SLC1A7: variants seen among roughly 807,000 people sequenced by gnomAD.
SLC1A7 encodes the protein excitatory amino acid transporter 5.
Under a neutral mutation model 47.7 loss-of-function variants are expected in SLC1A7, and 40 were observed. The ratio of observed to expected loss-of-function variants is 0.84; its 90% CI spans 0.65 to 1.09. SLC1A7 has a LOEUF of 1.09. Ranked by LOEUF, SLC1A7 falls within the 50% of genes least tolerant of loss-of-function variation. The pLI, the probability that SLC1A7 is intolerant of heterozygous loss-of-function variation, is 0.00. For missense variants in SLC1A7, 746 were observed against 769.5 expected (o/e 0.97, Z 0.36); for synonymous variants, 323 against 325.6 (o/e 0.99, Z 0.09).
At chr1:53,088,735 A>C (rs1048878543) in intron 10 of SLC1A7, 142 bp downstream of exon 10, 13 of 664,052 alleles carry the variant, frequency 2.0e-5, no homozygotes, top group Non-Finnish European at 3.3e-5. Context: ...GTCATTCTGT[A>C]ACGGATGAGG....
chr1:53,119,761 A>G (rs1644799529), intron 2 of SLC1A7, among the ~76,000 whole-genome samples: 1 of 152,066 alleles, frequency 6.6e-6, no homozygotes, highest in South Asian at 2.1e-4. Flanking sequence ...TGAGCTTCCC[A>G]TTGTTGGAGG....
intron 2 of SLC1A7, among the ~76,000 whole-genome samples, chr1:53,131,196 A>T (rs1216759543): frequency 6.6e-6 from 1 of 152,226 alleles, no homozygotes; most frequent in African/African-American, 2.4e-5. Context: ...TGAGAGCCAG[A>T]AGGTGGAGAG....
intron 8 of SLC1A7, 38 bp from the exon 9 acceptor site, chr1:53,089,972 G>A (rs1046729073): frequency 6.2e-7 from 1 of 1,609,892 alleles, no homozygotes; most frequent in Non-Finnish European, 8.5e-7. Context: ...GCAGCAGGAG[G>A]GGCAGGGTGC....
rs142161494 is a variant in SLC1A7 at position 53,128,117 on chromosome 1, T to C, written c.215+6233A>G. On this transcript the variant is annotated intron_variant, in intron 2 of 10. Transcript: ENST00000371494. ...TTGAAGCAAGGAATGCTGGTGTGAA[T>C]GGGAAGCTGATGAAGGCTGCTTGGT... 4.2e-3 allele frequency among the ~76,000 whole-genome samples: 638 copies of C among 152,254 alleles called. 1 individual carries two copies. Among genetic ancestry groups the C allele is most frequent in the South Asian group, 8.9e-3 (43 of 4,820 alleles).
Position 53,103,492 on chromosome 1 carries a change from A to T in SLC1A7, c.551T>A (p.Ile184Asn), listed in dbSNP as rs781754495. ...PEEAPPRRIL[I>N]YGVQEENGSH... ...GCCATTCTCCTCCTGGACCCCGTAG[A>T]TGAGGATCCGCCGAGGAGGGGCCTC... The change falls in exon 5 of 11, where the codon ATC (isoleucine) becomes AAC (asparagine). Residue 184 changes from isoleucine (I) to asparagine (N), a missense_variant. Ile to Asn is a moderately radical substitution (Grantham distance 149). Transcript: ENST00000371494. 1 of 1,613,274 alleles carries T rather than the reference A, an allele frequency of 6.2e-7. No individual in the cohort carries two copies. Among genetic ancestry groups the T allele is most frequent in the Non-Finnish European group, 8.5e-7 (1 of 1,179,678 alleles).
Position 53,096,733 on chromosome 1 carries a change from C to T in SLC1A7, c.698-3173G>A, listed in dbSNP as rs116882011. On this transcript the variant is annotated intron_variant, in intron 5 of 10. Transcript: ENST00000371494. ...AGTGCCTTGGTACACTCACATACCCCGCCTTGATACATTCACACACCCAGC... is the reference window on the plus strand; with the variant it reads ...AGTGCCTTGGTACACTCACATACCCTGCCTTGATACATTCACACACCCAGC... Among the ~76,000 whole-genome samples, 170 of 151,384 alleles carry T rather than the reference C, an allele frequency of 1.1e-3. 4 individuals are homozygous for T. In the East Asian group the frequency reaches 0.03, roughly 27 times the overall value.
intron 7 of SLC1A7, 69 bp downstream of exon 7, chr1:53,092,485 A>G: frequency 8.6e-7 from 1 of 1,163,258 alleles, no homozygotes; most frequent in South Asian, 1.3e-5. Context: ...TGAACCAATG[A>G]TGGCTGGACA....
chr1:53,124,959 T>C (rs1644866191), intron 2 of SLC1A7, among the ~76,000 whole-genome samples: 1 of 152,214 alleles, frequency 6.6e-6, no homozygotes, highest in South Asian at 2.1e-4. Context: ...AGATTTATTT[T>C]TGTGGAAGAT....
intron 5 of SLC1A7, among the ~76,000 whole-genome samples, chr1:53,094,975 G>C (rs1197029522): frequency 1.3e-5 from 2 of 152,238 alleles, no homozygotes; most frequent in Non-Finnish European, 2.9e-5. Context: ...GAGCCGCTGT[G>C]CTAGTGTGCT....
chr1:53,139,623 G>A (rs972934493), intron 1 of SLC1A7, among the ~76,000 whole-genome samples: 1 of 152,296 alleles, frequency 6.6e-6, no homozygotes, highest in Admixed American at 6.5e-5. Context: ...GCAGCATCTT[G>A]CTCTGTTACG....
In SLC1A7 at chr1:53,103,629, G is replaced by A. The variant is rs544934705; in HGVS notation, c.475-61C>T. 1,047 of 984,274 alleles carry A rather than the reference G, an allele frequency of 1.1e-3. 1 individual carries two copies. The highest frequency in any genetic ancestry group is 1.6e-3 in the African/African-American group (99 of 62,050). 61.0% of individuals were successfully genotyped at this position (984,274 alleles called of 1,614,324 possible). On this transcript the variant is annotated intron_variant, in intron 4 of 10. Coordinates refer to ENST00000371494, the MANE Select transcript of SLC1A7 (RefSeq NM_006671.6). ...GCCAAGGGTTGTTACTAATATTAAC[G>A]ACAACAATAATAGCATCTTGAAGGC... is the stretch of plus-strand genomic sequence containing the variant.
At position 53,105,696 on chromosome 1, in the gene SLC1A7, C is replaced by T. The variant is rs767661044; in HGVS notation, c.474+36G>A. 7.7e-6 allele frequency: 12 copies of T among 1,558,956 alleles called. No homozygotes were observed. In the South Asian group the frequency reaches 1.3e-4, roughly 17 times the overall value. On this transcript the variant is annotated intron_variant, in intron 4 of 10. Coordinates refer to ENST00000371494, the MANE Select transcript of SLC1A7 (RefSeq NM_006671.6). ...GCTGCCTGCCCTCCTGCCTGCTGCC[C>T]CTTCCCTCCCCTCCACTGCCCAGAG...
At chr1:53,121,116 C>A (rs1644820900) in intron 2 of SLC1A7, among the ~76,000 whole-genome samples, 1 of 152,232 alleles carries the variant, frequency 6.6e-6, no homozygotes, top group African/African-American at 2.4e-5. Flanking sequence ...CTGTCTGTGA[C>A]CACCTGTCCC....
intron 3 of SLC1A7, among the ~76,000 whole-genome samples, chr1:53,111,678 A>G (rs1557679511): frequency 6.6e-6 from 1 of 152,232 alleles, no homozygotes; most frequent in Non-Finnish European, 1.5e-5. Context: ...TTATGGAGAA[A>G]TCAAGAGTTG....
At chr1:53,130,820 C>G (rs1245405746) in intron 2 of SLC1A7, among the ~76,000 whole-genome samples, 1 of 152,088 alleles carries the variant, frequency 6.6e-6, no homozygotes, top group African/African-American at 2.4e-5. Context: ...ACCAGAGTGG[C>G]TGTTCCTCAA....
intron 5 of SLC1A7, among the ~76,000 whole-genome samples, chr1:53,100,005 TCACA>T (rs368766941): frequency 0.022 from 3,278 of 150,210 alleles, 113 homozygotes; most frequent in African/African-American, 0.071. Flanking sequence ...CTGAGTACAC[TCACA>T]CACCTTGTCT....
rs763010591 is a variant in SLC1A7, at chr1:53,088,944, T to TC, written c.1396dup (p.Asp466GlyfsTer74). On this transcript the variant is annotated frameshift_variant, in exon 10 of 11. Coordinates refer to ENST00000371494, the MANE Select transcript of SLC1A7 (RefSeq NM_006671.6). LOFTEE classifies it high-confidence loss of function. The stretch of plus-strand genomic sequence containing the variant: ...GGCCATGATCCCCGCTGCCAGCGCA[T>TC]CACCCAGCACGTTAATCATGGTGCG... 6.2e-6 allele frequency: 10 copies of TC among 1,614,140 alleles called. No homozygotes were observed. In the East Asian group the frequency reaches 2.0e-4, roughly 32 times the overall value.
In SLC1A7 at chr1:53,088,897, C is replaced by G. The variant is rs148719041; in HGVS notation, c.1444G>C (p.Ala482Pro). ...IMAHICRKDF[A>P]RDTGTEKLLP... is the part of the protein sequence containing the mutation. ...CTCACCTCGGTGCCTGTGTCCCGGG[C>G]AAAATCCTTCCGACATATATGGGCC... The change falls in exon 10 of 11, where the codon GCC becomes CCC. Residue 482 changes from alanine (A) to proline (P), a missense_variant. Physicochemically the swap from Ala to Pro is conservative, Grantham distance 27. Coordinates refer to ENST00000371494, the MANE Select transcript of SLC1A7 (RefSeq NM_006671.6). 1 of 1,613,882 alleles carries G rather than the reference C, an allele frequency of 6.2e-7. No homozygotes were observed. Among genetic ancestry groups the G allele is most frequent in the African/African-American group, 1.3e-5 (1 of 74,940 alleles).
At chr1:53,131,608 T>A (rs1195004813) in intron 2 of SLC1A7, among the ~76,000 whole-genome samples, 8 of 152,244 alleles carry the variant, frequency 5.3e-5, no homozygotes, top group African/African-American at 1.9e-4. Context: ...CTCTCCATCA[T>A]CTCTGTGTCT....
Sources: allele counts gnomAD v4.1 joint callset (sites outside exome capture counted in the v4.1 genomes callset), GRCh38; gene constraint gnomAD v4.1.1; transcripts MANE v1.5; gene names NCBI Gene and HGNC (gene_info 2026-07-23, HGNC 2026-07-21).